SNTG1: variants seen among roughly 807,000 people sequenced by gnomAD.
SNTG1 encodes the protein gamma-1-syntrophin.
A neutral mutation model predicts 74.7 loss-of-function variants in SNTG1; 39 were observed. The observed-to-expected ratio is 0.52, with a 90% CI of 0.40 to 0.68. The LOEUF (loss-of-function observed/expected upper bound fraction) is 0.68. Ranked by LOEUF, SNTG1 falls within the 30% of genes least tolerant of loss-of-function variation. The probability of loss-of-function intolerance (pLI) is 0.00; values close to 1 mark genes in which losing one functional copy is unlikely to be tolerated. For missense variants in SNTG1, 685 were observed against 609.5 expected, an observed-to-expected ratio of 1.12 and a Z score of -1.30; for synonymous variants, 254 against 217.1, an observed-to-expected ratio of 1.17 and a Z score of -1.49.
chr8:50,734,768 G>T (rs1389801343), intron 17 of SNTG1, among the ~76,000 whole-genome samples: 8 of 100,468 alleles, frequency 8.0e-5, no homozygotes, highest in East Asian at 5.5e-4. Flanking sequence ...TATATATATG[G>T]ACATATATAT....
Position 50,694,604 on chromosome 8 carries a change from T to C in SNTG1, c.1039-9996T>C, listed in dbSNP as rs2095396670. On this transcript the variant is annotated intron_variant, in intron 15 of 18. Coordinates refer to ENST00000642720, the MANE Select transcript of SNTG1 (RefSeq NM_018967.5). Reference sequence around the variant, plus strand: ...TTTTATGAGGATAACATTACCCTGATACCAAAGGCAAAGACATCATAAGAA... The same window carrying C: ...TTTTATGAGGATAACATTACCCTGACACCAAAGGCAAAGACATCATAAGAA... 2.0e-5 allele frequency among the ~76,000 whole-genome samples: 3 copies of C among 152,004 alleles called. No individual in the cohort carries two copies. The South Asian group carries it at 6.2e-4, about 31-fold the overall frequency.
chr8:50,637,410 T>C (rs765624791), intron 13 of SNTG1, among the ~76,000 whole-genome samples: 1 of 152,260 alleles, frequency 6.6e-6, no homozygotes, highest in South Asian at 2.1e-4. Context: ...ATTATTTCTG[T>C]ATGATAAAAT....
intron 1 of SNTG1, among the ~76,000 whole-genome samples, chr8:49,916,580 CA>C (rs1261883432): frequency 6.6e-6 from 1 of 152,140 alleles, no homozygotes; most frequent in African/African-American, 2.4e-5. Context: ...AATTTACTCA[CA>C]ATTTCGGTCT....
rs1003000675 is a variant in SNTG1 at position 50,695,484 on chromosome 8, TTTC to T, written c.1039-9113_1039-9111del. 3.9e-3 allele frequency among the ~76,000 whole-genome samples: 401 copies of T among 104,066 alleles called. 3 individuals are homozygous for T. The highest frequency in any genetic ancestry group is 0.012 in the African/African-American group (379 of 31,620). 68.3% of individuals were successfully genotyped at this position (104,066 alleles called of 152,430 possible). ...ACTTTTAATTTTTGTCTGTTTTTTA[TTTC>T]TTATTTATTTATTTATTTATACTTA... On this transcript the variant is annotated intron_variant, in intron 15 of 18. Coordinates refer to ENST00000642720, the MANE Select transcript of SNTG1 (RefSeq NM_018967.5).
intron 2 of SNTG1, among the ~76,000 whole-genome samples, chr8:50,323,357 C>G (rs62517572): frequency 0.55 from 82,900 of 151,908 alleles, 24,450 homozygotes; most frequent in East Asian, 0.85. Flanking sequence ...GACTTATTTA[C>G]TTCATTTGGT....
At chr8:50,472,835 CA>C (rs1349966415) in intron 8 of SNTG1, among the ~76,000 whole-genome samples, 2 of 151,722 alleles carry the variant, frequency 1.3e-5, no homozygotes, top group Non-Finnish European at 2.9e-5. Context: ...ACAACAACAA[CA>C]AAAAACCTTA....
intron 5 of SNTG1, among the ~76,000 whole-genome samples, chr8:50,448,486 T>C (rs1173084966): frequency 1.3e-5 from 2 of 152,194 alleles, no homozygotes; most frequent in Non-Finnish European, 2.9e-5. Context: ...ATTCTGAAGA[T>C]AGAACAACCT....
intron 15 of SNTG1, among the ~76,000 whole-genome samples, chr8:50,698,685 G>T (rs1017266224): frequency 3.9e-5 from 6 of 152,138 alleles, no homozygotes; most frequent in African/African-American, 1.2e-4. Context: ...CAAAGAGCTA[G>T]GATCAAGAAT....
At chr8:50,133,201 C>T (rs1275201745) in intron 1 of SNTG1, among the ~76,000 whole-genome samples, 6 of 152,184 alleles carry the variant, frequency 3.9e-5, no homozygotes, top group African/African-American at 7.2e-5. Flanking sequence ...TTCTAGAACA[C>T]GATTCACCCA....
At chr8:50,318,758 C>G (rs1352300719) in intron 2 of SNTG1, among the ~76,000 whole-genome samples, 3 of 152,244 alleles carry the variant, frequency 2.0e-5, no homozygotes, top group Admixed American at 1.3e-4. Context: ...AATACACATT[C>G]TATATATGTA....
intron 18 of SNTG1, among the ~76,000 whole-genome samples, chr8:50,781,541 G>C (rs1056791910): frequency 6.6e-6 from 1 of 151,702 alleles, no homozygotes; most frequent in African/African-American, 2.4e-5. Context: ...GCCTTTTTTT[G>C]TTTTCCATTT....
intron 18 of SNTG1, among the ~76,000 whole-genome samples, chr8:50,761,310 G>C (rs1024720709): frequency 2.0e-5 from 3 of 152,046 alleles, no homozygotes; most frequent in Admixed American, 2.0e-4. Flanking sequence ...AATAAAAGGT[G>C]CTGTTACAAA....
At chr8:50,038,093 A>G (rs2130797298) in intron 1 of SNTG1, among the ~76,000 whole-genome samples, 1 of 152,278 alleles carries the variant, frequency 6.6e-6, no homozygotes, top group African/African-American at 2.4e-5. Flanking sequence ...ATGAATTCAT[A>G]CAGGAATGGC....
At chr8:50,323,825 C>T (rs1020197150) in intron 2 of SNTG1, among the ~76,000 whole-genome samples, 2 of 145,164 alleles carry the variant, frequency 1.4e-5, no homozygotes, top group Admixed American at 1.4e-4. Flanking sequence ...TCCAGAGATG[C>T]TATCTGGGAG....
chr8:50,681,645 G>A lies in SNTG1; in HGVS notation c.1039-22955G>A, dbSNP rs889702482. Among the ~76,000 whole-genome samples, 8 of 152,122 alleles carry A rather than the reference G, an allele frequency of 5.3e-5. No individual in the cohort carries two copies. In the South Asian group the frequency reaches 8.3e-4, roughly 16 times the overall value. ...GTGTTGTACTATTTTGTAAAACAAC[G>A]AGAGAGGAGGACCGAAAGCCTCAGA... On this transcript the variant is annotated intron_variant, in intron 15 of 18. Transcript: ENST00000642720.
intron 1 of SNTG1, among the ~76,000 whole-genome samples, chr8:49,957,356 G>T (rs1214212142): frequency 6.6e-6 from 1 of 152,194 alleles, no homozygotes; most frequent in Admixed American, 6.5e-5. Flanking sequence ...TCATTCCAAT[G>T]AAATGAATTC....
At chr8:50,035,197 A>G (rs1350657401) in intron 1 of SNTG1, among the ~76,000 whole-genome samples, 2 of 152,170 alleles carry the variant, frequency 1.3e-5, no homozygotes, top group East Asian at 3.9e-4. Context: ...AGCTTTTTGC[A>G]GTGTTTCCTC....
intron 18 of SNTG1, chr8:50,762,623 G>C (rs1428026102): frequency 9.3e-6 from 4 of 428,498 alleles, no homozygotes; most frequent in East Asian, 1.2e-4. Context: ...CTCTCCCCAG[G>C]TGATGCCTTT....
intron 1 of SNTG1, among the ~76,000 whole-genome samples, chr8:49,969,479 C>T (rs181652632): frequency 4.2e-4 from 61 of 145,110 alleles, no homozygotes; most frequent in African/African-American, 1.4e-3. Flanking sequence ...TCACTGCAAC[C>T]TCTGCCTCCC....
Sources: allele counts gnomAD v4.1 joint callset (sites outside exome capture counted in the v4.1 genomes callset), GRCh38; gene constraint gnomAD v4.1.1; transcripts MANE v1.5; gene names NCBI Gene and HGNC (gene_info 2026-07-23, HGNC 2026-07-21).